STPG2: variants seen among roughly 807,000 people sequenced by gnomAD.
STPG2 encodes the protein sperm tail PG-rich repeat containing 2.
STPG2 carries 56 observed loss-of-function variants against 54.2 expected under a neutral mutation model. The ratio of observed to expected loss-of-function variants is 1.03; its 90% CI spans 0.83 to 1.29. The LOEUF (loss-of-function observed/expected upper bound fraction) is 1.29, where lower values mean the gene tolerates loss of function less well. STPG2 is among the 50% of genes most tolerant of loss of function. STPG2 has a pLI of 0.00. For synonymous variants in STPG2, 200 were observed against 181.8 expected, an observed-to-expected ratio of 1.10 and a Z score of -0.81; for missense variants, 596 against 544.9, an observed-to-expected ratio of 1.09 and a Z score of -0.93.
chr4:97,597,876 T>C (rs1473930306), intron 10 of STPG2, among the ~76,000 whole-genome samples: 1 of 152,000 alleles, frequency 6.6e-6, no homozygotes, highest in Non-Finnish European at 1.5e-5. Flanking sequence ...ATTGGAACCC[T>C]AGCCAAAGAA....
At position 98,067,585 on chromosome 4, in the gene STPG2, G is replaced by T. The variant is rs543065463; in HGVS notation, c.612+38368C>A. Among the ~76,000 whole-genome samples, 3 of 152,062 alleles carry T rather than the reference G, an allele frequency of 2.0e-5. No homozygotes were observed. In the East Asian group the frequency reaches 5.8e-4, roughly 29 times the overall value. On this transcript the variant is annotated intron_variant, in intron 5 of 10. Coordinates refer to ENST00000295268, the MANE Select transcript of STPG2 (RefSeq NM_174952.3). Reference sequence around the variant, plus strand: ...TTTGCTTCGTAAAGTTTTTGGAGCAGGAAAGGAATGCAATATCAATATGAA... The same window carrying T: ...TTTGCTTCGTAAAGTTTTTGGAGCATGAAAGGAATGCAATATCAATATGAA...
chr4:97,669,515 G>A (rs866722315), intron 10 of STPG2, among the ~76,000 whole-genome samples: 1 of 29,578 alleles, frequency 3.4e-5, no homozygotes, highest in Non-Finnish European at 6.3e-5. Flanking sequence ...AGTTTATTGC[G>A]GCCGGGCGCG....
chr4:97,960,148 C>T (rs942734436), intron 7 of STPG2, among the ~76,000 whole-genome samples: 1 of 152,120 alleles, frequency 6.6e-6, no homozygotes, highest in African/African-American at 2.4e-5. Flanking sequence ...AATCCAGCAT[C>T]ACTTTATGAT....
intron 5 of STPG2, among the ~76,000 whole-genome samples, chr4:98,020,452 T>A (rs1228452141): frequency 1.3e-5 from 2 of 151,132 alleles, no homozygotes; most frequent in African/African-American, 2.4e-5. Flanking sequence ...GCCTCAATGT[T>A]CATCAAGGAT....
At chr4:97,821,267 G>T (rs1375809030) in intron 9 of STPG2, among the ~76,000 whole-genome samples, 1 of 152,112 alleles carries the variant, frequency 6.6e-6, no homozygotes, top group Admixed American at 6.5e-5. Flanking sequence ...AAATCTTAAG[G>T]CTCCAAAATA....
At chr4:97,903,820 G>A (rs994480079) in intron 8 of STPG2, among the ~76,000 whole-genome samples, 2 of 152,126 alleles carry the variant, frequency 1.3e-5, no homozygotes, top group African/African-American at 4.8e-5. Flanking sequence ...CCCTTTCCTA[G>A]TCAAAAAAAG....
At chr4:97,497,442 T>C (rs1730634669) in intron 4 of STPG2, among the ~76,000 whole-genome samples, 1 of 151,836 alleles carries the variant, frequency 6.6e-6, no homozygotes, top group Admixed American at 6.6e-5. Flanking sequence ...TTTCTCCCCA[T>C]TGTGTTTTCT....
chr4:97,887,048 T>C (rs1030031758), intron 8 of STPG2, among the ~76,000 whole-genome samples: 1 of 151,956 alleles, frequency 6.6e-6, no homozygotes, highest in African/African-American at 2.4e-5. Context: ...AGGATTCCTG[T>C]ACAGCCTGTG....
At chr4:98,114,961 T>C (rs542196766) in intron 3 of STPG2, among the ~76,000 whole-genome samples, 1 of 126,948 alleles carries the variant, frequency 7.9e-6, no homozygotes, top group South Asian at 2.6e-4. Flanking sequence ...TTACAGTTTC[T>C]TTTATGTCAA....
At chr4:97,528,821 A>C (rs902318056) in intron 4 of STPG2, among the ~76,000 whole-genome samples, 9 of 152,224 alleles carry the variant, frequency 5.9e-5, no homozygotes, top group Admixed American at 6.5e-5. Flanking sequence ...GGTGTATAGG[A>C]ATGCTTGTGA....
In STPG2 at chr4:97,953,489, G is replaced by T. The variant is rs573711684; in HGVS notation, c.934-9482C>A. ...GTGTGCAGCTCCTGCACTTGTGGCTGCAGCACACTTCCCACCTTCTCCCTG... is the reference window on the plus strand; with the variant it reads ...GTGTGCAGCTCCTGCACTTGTGGCTTCAGCACACTTCCCACCTTCTCCCTG... On this transcript the variant is annotated intron_variant, in intron 7 of 10. Coordinates refer to ENST00000295268, the MANE Select transcript of STPG2 (RefSeq NM_174952.3). 7.4e-4 allele frequency among the ~76,000 whole-genome samples: 113 copies of T among 152,310 alleles called. 1 individual carries two copies. The highest frequency in any genetic ancestry group is 1.3e-3 in the Admixed American group (20 of 15,302).
chr4:97,453,275 C>A (rs559247846), intron 4 of STPG2, among the ~76,000 whole-genome samples: 14 of 152,198 alleles, frequency 9.2e-5, no homozygotes, highest in Non-Finnish European at 1.5e-4. Flanking sequence ...ACATCCATGT[C>A]GGCACTGGAG....
chr4:98,123,981 G>T (rs868866550), intron 3 of STPG2, among the ~76,000 whole-genome samples: 9 of 151,924 alleles, frequency 5.9e-5, no homozygotes, highest in Non-Finnish European at 1.3e-4. Flanking sequence ...AGTCTGTTTT[G>T]TCAGAAACTA....
intron 8 of STPG2, among the ~76,000 whole-genome samples, chr4:97,870,075 G>A (rs1729931818): frequency 1.3e-5 from 2 of 151,546 alleles, no homozygotes; most frequent in South Asian, 4.1e-4. Context: ...ATAATCTGAT[G>A]TGTCCTATTC....
At chr4:97,663,129 G>T (rs1023150397) in intron 10 of STPG2, among the ~76,000 whole-genome samples, 1 of 151,708 alleles carries the variant, frequency 6.6e-6, no homozygotes, top group Non-Finnish European at 1.5e-5. Flanking sequence ...GATCATAATT[G>T]TATCTATATC....
intron 7 of STPG2, among the ~76,000 whole-genome samples, chr4:97,949,965 C>A (rs1394371239): frequency 2.6e-5 from 4 of 151,990 alleles, no homozygotes; most frequent in African/African-American, 9.7e-5. Context: ...ACCAGCAAGG[C>A]CAGGGAAGTT....
At chr4:97,530,274 T>G (rs1731384874) in intron 4 of STPG2, among the ~76,000 whole-genome samples, 1 of 152,314 alleles carries the variant, frequency 6.6e-6, no homozygotes, top group South Asian at 2.1e-4. Flanking sequence ...AATAAGTGAT[T>G]ATTTTGTGAC....
At chr4:97,632,477 ATACC>A (rs1424889965) in intron 10 of STPG2, among the ~76,000 whole-genome samples, 1 of 152,086 alleles carries the variant, frequency 6.6e-6, no homozygotes, top group Non-Finnish European at 1.5e-5. Flanking sequence ...AGAAATTCTA[ATACC>A]TAATAATGAC....
rs373336040 is a variant in STPG2, at chr4:98,031,701, T to TA, written c.613-50384dup. Among the ~76,000 whole-genome samples, 5 of 151,096 alleles carry TA rather than the reference T, an allele frequency of 3.3e-5. No homozygotes were observed. In the East Asian group the frequency reaches 5.9e-4, roughly 18 times the overall value. ...ACTCTGTCTCAAAAAAAATAAAAAA[T>TA]AAAAAAAAGTAAATAACTGGGACTT... On this transcript the variant is annotated intron_variant, in intron 5 of 10. Transcript: ENST00000295268.
Sources: allele counts gnomAD v4.1 joint callset (sites outside exome capture counted in the v4.1 genomes callset), GRCh38; gene constraint gnomAD v4.1.1; transcripts MANE v1.5; gene names NCBI Gene and HGNC (gene_info 2026-07-23, HGNC 2026-07-21).